The following CDH13 variants were observed in gnomAD, a reference collection of about 807,000 sequenced individuals.
CDH13 encodes the protein cadherin 13, also known as cadherin-13.
Under a neutral mutation model 63.8 loss-of-function variants are expected in CDH13, and 24 were observed. The ratio of observed to expected loss-of-function variants is 0.38; its 90% CI spans 0.27 to 0.53. The LOEUF is 0.53. Among genes scored for constraint, CDH13 ranks in the 20% least tolerant of loss-of-function variants. CDH13 has a pLI of 0.85. For missense variants in CDH13, 1,049 were observed against 903.1 expected, an observed-to-expected ratio of 1.16 and a Z score of -2.07; for synonymous variants, 503 against 355.3, an observed-to-expected ratio of 1.42 and a Z score of -4.67.
chr16:82,976,465 C>G (rs988063996), intron 2 of CDH13, among the ~76,000 whole-genome samples: 12 of 152,166 alleles, frequency 7.9e-5, no homozygotes, highest in African/African-American at 2.9e-4. Context: ...GCTTTTCCAT[C>G]TTAGATGCTT....
chr16:83,358,538 A>T (rs1213012845), intron 6 of CDH13, among the ~76,000 whole-genome samples: 1 of 152,198 alleles, frequency 6.6e-6, no homozygotes, highest in Non-Finnish European at 1.5e-5. Flanking sequence ...ACTCAGTGTT[A>T]TGTTGAATTC....
chr16:83,481,017 G>A (rs142885735), intron 6 of CDH13, among the ~76,000 whole-genome samples: 111 of 152,176 alleles, frequency 7.3e-4, no homozygotes, highest in Non-Finnish European at 1.3e-3. Context: ...TAGATCATTC[G>A]GTCACAGAAA....
intron 2 of CDH13, among the ~76,000 whole-genome samples, chr16:82,963,252 A>ATG (rs1567698996): frequency 1.3e-5 from 2 of 151,562 alleles, no homozygotes; most frequent in Non-Finnish European, 2.9e-5. Flanking sequence ...GGTGGTGGGC[A>ATG]CCTGTAATCC....
chr16:83,753,105 C>T (rs1321170280), intron 11 of CDH13, among the ~76,000 whole-genome samples: 2 of 152,162 alleles, frequency 1.3e-5, no homozygotes, highest in Admixed American at 6.5e-5. Context: ...TCGAACAAGA[C>T]CCAAAGGACT....
chr16:83,267,883 C>T (rs2088673172), intron 5 of CDH13, among the ~76,000 whole-genome samples: 1 of 152,198 alleles, frequency 6.6e-6, no homozygotes, highest in African/African-American at 2.4e-5. Flanking sequence ...TTCCCATGCC[C>T]CACACATGTG....
chr16:82,936,716 C>G (rs1364309956), intron 2 of CDH13, among the ~76,000 whole-genome samples: 1 of 152,162 alleles, frequency 6.6e-6, no homozygotes, highest in Non-Finnish European at 1.5e-5. Flanking sequence ...ATGCCAATGA[C>G]CAAGGCATAT....
intron 2 of CDH13, among the ~76,000 whole-genome samples, chr16:82,993,812 C>A (rs910328160): frequency 6.6e-6 from 1 of 152,104 alleles, no homozygotes; most frequent in Non-Finnish European, 1.5e-5. Context: ...TTTCCTGAAA[C>A]GTCATTTTGA....
At chr16:83,602,243 A>G (rs1907916533) in intron 7 of CDH13, among the ~76,000 whole-genome samples, 1 of 151,928 alleles carries the variant, frequency 6.6e-6, no homozygotes, top group Non-Finnish European at 1.5e-5. Context: ...TCCCCATGGC[A>G]AACTCCAGTC....
chr16:82,881,122 G>A (rs1222171167), intron 2 of CDH13, among the ~76,000 whole-genome samples: 1 of 152,088 alleles, frequency 6.6e-6, no homozygotes, highest in Non-Finnish European at 1.5e-5. Context: ...TGTGTAATAT[G>A]TATGGAAAAG....
intron 2 of CDH13, among the ~76,000 whole-genome samples, chr16:82,916,486 A>G (rs552894498): frequency 1.3e-5 from 2 of 152,200 alleles, no homozygotes; most frequent in African/African-American, 4.8e-5. Flanking sequence ...AGGCAGGAGA[A>G]TCGTTTGAAT....
chr16:83,572,970 C>T (rs996368113), intron 7 of CDH13, among the ~76,000 whole-genome samples: 6 of 152,138 alleles, frequency 3.9e-5, no homozygotes, highest in Non-Finnish European at 7.3e-5. Context: ...GTACTTACAG[C>T]GAGCACAGGC....
intron 5 of CDH13, among the ~76,000 whole-genome samples, chr16:83,231,266 G>T (rs927623602): frequency 6.6e-6 from 1 of 152,190 alleles, no homozygotes; most frequent in Non-Finnish European, 1.5e-5. Context: ...GTACCCTGGG[G>T]TGATGGAGAG....
intron 5 of CDH13, among the ~76,000 whole-genome samples, chr16:83,251,792 C>T (rs955328830): frequency 6.6e-6 from 1 of 152,110 alleles, no homozygotes; most frequent in African/African-American, 2.4e-5. Context: ...ATCAGGCAAC[C>T]CAAAATCAGG....
Position 83,652,416 on chromosome 16 carries a change from C to T in CDH13, c.1102-18374C>T, listed in dbSNP as rs138719697. Among the ~76,000 whole-genome samples, 979 of 152,242 alleles carry T rather than the reference C, an allele frequency of 6.4e-3. 15 individuals carry two copies. The highest frequency in any genetic ancestry group is 0.022 in the African/African-American group (929 of 41,546). On this transcript the variant is annotated intron_variant, in intron 8 of 13. Transcript: ENST00000567109. ...GACATGTGCTTTCTCCAGTTAGAGA[C>T]GGCTGTGAGTGCCATGCTGGGGGTG...
At chr16:82,635,847 AG>A (rs1179442641) in intron 1 of CDH13, among the ~76,000 whole-genome samples, 2 of 152,136 alleles carry the variant, frequency 1.3e-5, no homozygotes, top group Non-Finnish European at 2.9e-5. Flanking sequence ...CGTGATAGTG[AG>A]TTCTCACAAG....
rs547824750 is a variant in CDH13 at position 83,369,876 on chromosome 16, A to C, written c.781+24870A>C. 6.6e-4 allele frequency among the ~76,000 whole-genome samples: 101 copies of C among 152,236 alleles called. 1 individual carries two copies. The highest frequency in any genetic ancestry group is 9.1e-4 in the Non-Finnish European group (62 of 68,018). ...TATTCATGACACATATGTAGCATCC[A>C]CTGTGAAGTCAAAATTAAGGTGAAT... is the stretch of plus-strand genomic sequence containing the variant. On this transcript the variant is annotated intron_variant, in intron 6 of 13. Coordinates refer to ENST00000567109, the MANE Select transcript of CDH13 (RefSeq NM_001257.5).
In CDH13 at chr16:82,801,655, G is replaced by A. The variant is rs540401017; in HGVS notation, c.46-56707G>A. ...ATTGAGGGAAGTACAAAGCTTAACC[G>A]TAGACAGGAACCTGGAAATGCTGGG... is the stretch of plus-strand genomic sequence containing the variant. On this transcript the variant is annotated intron_variant, in intron 1 of 13. Coordinates refer to ENST00000567109, the MANE Select transcript of CDH13 (RefSeq NM_001257.5). 4.6e-5 allele frequency among the ~76,000 whole-genome samples: 7 copies of A among 152,330 alleles called. No individual in the cohort carries two copies. In the South Asian group the frequency reaches 6.2e-4, roughly 14 times the overall value.
At chr16:83,710,286 A>T (rs1415159517) in intron 10 of CDH13, 1 of 152,234 alleles carries the variant, frequency 6.6e-6, no homozygotes, top group Non-Finnish European at 1.5e-5. Flanking sequence ...AACTTGGCCA[A>T]ATGACCTCTG....
At chr16:83,575,930 G>A (rs1475567186) in intron 7 of CDH13, among the ~76,000 whole-genome samples, 1 of 152,090 alleles carries the variant, frequency 6.6e-6, no homozygotes, top group Non-Finnish European at 1.5e-5. Flanking sequence ...TTTAATTGAT[G>A]TAAAATTCAC....
Sources: allele counts gnomAD v4.1 joint callset (sites outside exome capture counted in the v4.1 genomes callset), GRCh38; gene constraint gnomAD v4.1.1; transcripts MANE v1.5; gene names NCBI Gene and HGNC (gene_info 2026-07-23, HGNC 2026-07-21).